Variants in IQCK observed in about 807,000 individuals in gnomAD.
The protein encoded by IQCK is IQ motif containing K.
In IQCK, 29 loss-of-function variants were observed where a neutral mutation model predicts 28.1. The observed-to-expected ratio is 1.03, with a 90% CI of 0.77 to 1.41. The LOEUF (loss-of-function observed/expected upper bound fraction) is 1.41, where lower values mean the gene tolerates loss of function less well. IQCK is among the 40% of genes most tolerant of loss of function. The probability of loss-of-function intolerance (pLI) is 0.00; values close to 1 mark genes in which losing one functional copy is unlikely to be tolerated. For missense variants in IQCK, 359 were observed against 314.7 expected (o/e 1.14, Z -1.07); for synonymous variants, 113 against 115.1 (o/e 0.98, Z 0.12).
chr16:19,819,658 T>C (rs561103188), intron 7 of IQCK: 1 of 153,982 alleles, frequency 6.5e-6, no homozygotes, highest in East Asian at 1.9e-4. Context: ...GTATTGACTA[T>C]GTCAAAATTT....
chr16:19,721,846 G>A (rs1977504891), intron 1 of IQCK, among the ~76,000 whole-genome samples: 1 of 152,116 alleles, frequency 6.6e-6, no homozygotes, highest in African/African-American at 2.4e-5. Context: ...CCAAAGTGCT[G>A]GGATTACAGG....
intron 7 of IQCK, among the ~76,000 whole-genome samples, chr16:19,825,000 C>G (rs2056127614): frequency 6.6e-6 from 1 of 152,160 alleles, no homozygotes; most frequent in Non-Finnish European, 1.5e-5. Context: ...CCTTTGTTTT[C>G]CCTTGCACTC....
chr16:19,811,171 C>G (rs1281480469), intron 7 of IQCK, among the ~76,000 whole-genome samples: 1 of 151,880 alleles, frequency 6.6e-6, no homozygotes, highest in Non-Finnish European at 1.5e-5. Flanking sequence ...GTGGTCCCAG[C>G]TACTCGGGAG....
chr16:19,829,293 A>G (rs976498927), downstream of IQCK, among the ~76,000 whole-genome samples: 27 of 149,860 alleles, frequency 1.8e-4, no homozygotes, highest in Non-Finnish European at 8.9e-5. Context: ...TGCTCTTACA[A>G]TGTGCCAATG....
intron 4 of IQCK, among the ~76,000 whole-genome samples, chr16:19,755,292 C>G (rs1446299035): frequency 1.3e-5 from 2 of 152,178 alleles, no homozygotes; most frequent in African/African-American, 2.4e-5. Flanking sequence ...AGTGATTGAA[C>G]CAGGAATATG....
At chr16:19,733,455 G>A (rs914397094) in intron 2 of IQCK, among the ~76,000 whole-genome samples, 3 of 151,888 alleles carry the variant, frequency 2.0e-5, no homozygotes, top group Admixed American at 6.6e-5. Flanking sequence ...CTTCATCCCT[G>A]GTGTTTTGGA....
intron 7 of IQCK, among the ~76,000 whole-genome samples, chr16:19,811,002 G>T (rs2055898468): frequency 6.6e-6 from 1 of 152,118 alleles, no homozygotes; most frequent in Non-Finnish European, 1.5e-5. Flanking sequence ...GCATTGTACG[G>T]TCTGGGTACA....
chr16:19,760,413 A>G (rs2055120606), intron 4 of IQCK, among the ~76,000 whole-genome samples: 1 of 152,158 alleles, frequency 6.6e-6, no homozygotes, highest in East Asian at 1.9e-4. Flanking sequence ...TTGTCTACCC[A>G]ACAGCATCTC....
At chr16:19,756,418 TAAAC>T (rs778257519) in intron 4 of IQCK, among the ~76,000 whole-genome samples, 114 of 152,246 alleles carry the variant, frequency 7.5e-4, no homozygotes, top group African/African-American at 2.0e-3. Context: ...CGAATATGAC[TAAAC>T]AAACAAACAA....
chr16:19,826,764 G>A (rs1450530802), intron 7 of IQCK, among the ~76,000 whole-genome samples: 1 of 152,154 alleles, frequency 6.6e-6, no homozygotes, highest in Non-Finnish European at 1.5e-5. Flanking sequence ...TTACAAATGT[G>A]GTGGCTGCAT....
At position 19,744,185 on chromosome 16, in the gene IQCK, T is replaced by C. The variant is rs140435690; in HGVS notation, c.474+8735T>C. 2.4e-3 allele frequency among the ~76,000 whole-genome samples: 368 copies of C among 152,366 alleles called. 1 individual carries two copies. The highest frequency in any genetic ancestry group is 0.01 in the Middle Eastern group (3 of 294). On this transcript the variant is annotated intron_variant, in intron 4 of 7. Coordinates refer to ENST00000564186, the Ensembl canonical transcript of IQCK. ...TGTGATTCTTTTATATATATCATTT[T>C]AAATACTATGAATTTAATATAGTTT...
chr16:19,764,288 G>A, intron 6 of IQCK, 176 bp downstream of exon 6: 1 of 500,496 alleles, frequency 2.0e-6, no homozygotes, highest in South Asian at 4.5e-5. Flanking sequence ...TCCTAATCAG[G>A]CCAGTAATTT....
intron 9 of IQCK, among the ~76,000 whole-genome samples, chr16:19,845,980 G>GT (rs1167073871): frequency 3.3e-5 from 5 of 152,158 alleles, no homozygotes; most frequent in Non-Finnish European, 7.3e-5. Flanking sequence ...GGAGGCTGAG[G>GT]TGGGGGGGAT....
intron 2 of IQCK, among the ~76,000 whole-genome samples, chr16:19,731,760 C>T (rs772969813): frequency 6.6e-6 from 1 of 152,174 alleles, no homozygotes; most frequent in African/African-American, 2.4e-5. Context: ...AATTGGCTCA[C>T]ACGATTACGG....
At chr16:19,804,682 G>A (rs1267784987) in intron 7 of IQCK, among the ~76,000 whole-genome samples, 1 of 152,044 alleles carries the variant, frequency 6.6e-6, no homozygotes, top group South Asian at 2.1e-4. Context: ...CACTCCCTCC[G>A]CCTCCCAAAG....
At chr16:19,807,494 A>G (rs2055848728) in intron 7 of IQCK, among the ~76,000 whole-genome samples, 1 of 152,214 alleles carries the variant, frequency 6.6e-6, no homozygotes, top group African/African-American at 2.4e-5. Context: ...TACTCAAATT[A>G]TGGTCCAAGA....
chr16:19,823,527 G>T (rs1004119621), intron 7 of IQCK, among the ~76,000 whole-genome samples: 2 of 152,134 alleles, frequency 1.3e-5, no homozygotes, highest in African/African-American at 4.8e-5. Flanking sequence ...GGGGACCACG[G>T]CCTAGAGAGG....
chr16:19,833,180 A>T (rs2056254289), intron 9 of IQCK, among the ~76,000 whole-genome samples: 1 of 152,354 alleles, frequency 6.6e-6, no homozygotes, highest in Admixed American at 6.5e-5. Context: ...TGTAGTTACC[A>T]TACTTTACAT....
At chr16:19,828,065 A>G (rs2056172000), downstream of IQCK, among the ~76,000 whole-genome samples, 2 of 151,580 alleles carry the variant, frequency 1.3e-5, no homozygotes, top group South Asian at 2.1e-4. Flanking sequence ...GGCTTGCTCC[A>G]CCACGCCTGG....
Sources: gnomAD v4.1 joint callset for allele counts (sites outside exome capture counted in the v4.1 genomes callset) on GRCh38, gnomAD v4.1.1 for gene constraint, MANE v1.5 for transcripts, NCBI Gene and HGNC (gene_info 2026-07-23, HGNC 2026-07-21) for gene names.